DCC: variants seen among roughly 807,000 people sequenced by gnomAD.
DCC encodes the protein DCC netrin 1 receptor.
A neutral mutation model predicts 172.5 loss-of-function variants in DCC; 58 were observed. That is an observed-to-expected ratio of 0.34 (90% CI 0.27 to 0.42). The LOEUF (loss-of-function observed/expected upper bound fraction) is 0.42, where lower values mean the gene tolerates loss of function less well. Among genes scored for constraint, DCC ranks in the 10% least tolerant of loss-of-function variants. The pLI is 1.00. For missense variants in DCC, 1,740 were observed against 1,791.0 expected (o/e 0.97, Z 0.51); for synonymous variants, 709 against 644.5 (o/e 1.10, Z -1.52).
At chr18:52,567,986 T>C (rs542980695) in intron 1 of DCC, among the ~76,000 whole-genome samples, 1 of 152,246 alleles carries the variant, frequency 6.6e-6, no homozygotes, top group South Asian at 2.1e-4. Context: ...CTGACTAAAG[T>C]CTGTAGTTTA....
chr18:53,435,867 A>G (rs1911909130), intron 22 of DCC, among the ~76,000 whole-genome samples: 1 of 152,176 alleles, frequency 6.6e-6, no homozygotes, highest in Non-Finnish European at 1.5e-5. Context: ...TGCTGAAACA[A>G]ACTTTAAAAG....
chr18:53,406,447 G>A (rs1909655967), intron 19 of DCC, among the ~76,000 whole-genome samples: 1 of 151,362 alleles, frequency 6.6e-6, no homozygotes, highest in Non-Finnish European at 1.5e-5. Context: ...GCTCACGCCT[G>A]TAGTCCCAGC....
chr18:53,242,898 G>A lies in DCC; in HGVS notation c.1911+27301G>A, dbSNP rs2056319417. On this transcript the variant is annotated intron_variant, in intron 12 of 28. Coordinates refer to ENST00000442544, the MANE Select transcript of DCC (RefSeq NM_005215.4). The stretch of plus-strand genomic sequence containing the variant: ...TGTGTGTGTGTGTGTGTGTGTGTGT[G>A]TGTGTTTGTGCATCTGGCCAGTGAA... Among the ~76,000 whole-genome samples the A allele has an allele frequency of 3.3e-5, 5 of 150,334 alleles. 1 individual carries two copies. Among genetic ancestry groups the A allele is most frequent in the Admixed American group, 3.3e-4 (5 of 15,182 alleles).
At chr18:52,671,721 G>A (rs1241411264) in intron 1 of DCC, among the ~76,000 whole-genome samples, 1 of 151,624 alleles carries the variant, frequency 6.6e-6, no homozygotes, top group Non-Finnish European at 1.5e-5. Context: ...TGTATTTTTA[G>A]TAGAGAGAGG....
chr18:52,923,880 T>C (rs2040161478), intron 4 of DCC, 23 bp downstream of exon 4: 2 of 1,587,052 alleles, frequency 1.3e-6, no homozygotes, highest in Non-Finnish European at 1.7e-6. Context: ...TAAGACTTTT[T>C]TGTAAAGTGT....
intron 4 of DCC, 49 bp from the exon 5 acceptor site, chr18:52,925,185 T>G: frequency 1.9e-6 from 3 of 1,577,254 alleles, no homozygotes; most frequent in Non-Finnish European, 2.6e-6. Flanking sequence ...GTATCTTGCT[T>G]AATATATACA....
At chr18:53,429,028 ATAATATATATTTTATATATAATATAT>A in intron 21 of DCC, among the ~76,000 whole-genome samples, 1 of 59,990 alleles carries the variant, frequency 1.7e-5, no homozygotes, top group Non-Finnish European at 3.5e-5. Flanking sequence ...TATTTTTTAT[ATAATATATATTTTATATATAATATAT>A]TATATATTTT....
chr18:52,628,746 A>G (rs1255159777), intron 1 of DCC, among the ~76,000 whole-genome samples: 1 of 152,250 alleles, frequency 6.6e-6, no homozygotes, highest in East Asian at 1.9e-4. Context: ...ACCCTAGTGT[A>G]TAATGGACTC....
intron 1 of DCC, among the ~76,000 whole-genome samples, chr18:52,558,933 G>A (rs1043560578): frequency 5.9e-5 from 9 of 152,156 alleles, no homozygotes; most frequent in African/African-American, 1.9e-4. Flanking sequence ...GGAAACCGAG[G>A]TTGGGACGGG....
At position 53,435,159 on chromosome 18, in the gene DCC, G is replaced by A. The variant is rs1360683492; in HGVS notation, c.3179G>A (p.Gly1060Glu). 7 of 1,611,426 alleles carry A rather than the reference G, an allele frequency of 4.3e-6. No homozygotes were observed. Among genetic ancestry groups the A allele is most frequent in the Non-Finnish European group, 5.9e-6 (7 of 1,177,722 alleles). The change falls in exon 22 of 29, where the codon GGA becomes GAA. Residue 1060 changes from glycine (G) to glutamate (E), a missense_variant. Physicochemically the swap from Gly to Glu is moderately conservative, Grantham distance 98. This residue lies in a region of DCC where 1,732 missense variants were observed against 1,767.4 expected (regional missense o/e 0.98). Transcript: ENST00000442544. Reference protein sequence around the residue: ...MANDQGRHGDGGYWPVDTNLI... With the variant: ...MANDQGRHGDEGYWPVDTNLI... ...CAATGAACAGGTCGTCATGGAGATG[G>A]AGGTTATTGGCCAGTTGATACTAAT...
intron 1 of DCC, among the ~76,000 whole-genome samples, chr18:52,522,919 C>T (rs959633478): frequency 2.6e-5 from 4 of 152,256 alleles, no homozygotes; most frequent in Admixed American, 6.5e-5. Context: ...AATTCTAGCA[C>T]CACAGTTTGA....
intron 8 of DCC, among the ~76,000 whole-genome samples, chr18:53,175,718 G>C (rs1598876632): frequency 1.3e-5 from 2 of 152,158 alleles, no homozygotes; most frequent in Admixed American, 1.3e-4. Flanking sequence ...CTCATGGGTA[G>C]GAGGAATCAA....
chr18:52,789,146 G>A (rs190882602), intron 2 of DCC, among the ~76,000 whole-genome samples: 23 of 152,202 alleles, frequency 1.5e-4, no homozygotes, highest in African/African-American at 5.3e-4. Context: ...AGGTAATTTG[G>A]TACCTCTAAA....
intron 5 of DCC, among the ~76,000 whole-genome samples, chr18:52,999,875 TTAAGA>T (rs759348634): frequency 2.0e-5 from 3 of 152,050 alleles, no homozygotes; most frequent in African/African-American, 7.2e-5. Context: ...ATTTTATTAG[TTAAGA>T]TAAGGTAATA....
intron 1 of DCC, among the ~76,000 whole-genome samples, chr18:52,387,593 TC>T (rs1199093209): frequency 6.8e-6 from 1 of 146,738 alleles, no homozygotes; most frequent in African/African-American, 2.6e-5. Flanking sequence ...CTTCCTTCCT[TC>T]CTTCCTTCCT....
intron 7 of DCC, among the ~76,000 whole-genome samples, chr18:53,137,153 C>A (rs2043756019): frequency 6.6e-6 from 1 of 152,184 alleles, no homozygotes; most frequent in African/African-American, 2.4e-5. Context: ...ACATAACACA[C>A]ATTTATTATT....
chr18:52,638,836 T>G (rs2034834976), intron 1 of DCC, among the ~76,000 whole-genome samples: 2 of 152,146 alleles, frequency 1.3e-5, no homozygotes, highest in Admixed American at 1.3e-4. Flanking sequence ...GGATTTAAAC[T>G]ATACCTTGGA....
intron 2 of DCC, among the ~76,000 whole-genome samples, chr18:52,890,787 A>C (rs1418768379): frequency 6.6e-6 from 1 of 152,118 alleles, no homozygotes; most frequent in Admixed American, 6.6e-5. Flanking sequence ...ATATCATCTC[A>C]AATCCCCAAA....
intron 5 of DCC, among the ~76,000 whole-genome samples, chr18:52,944,718 G>A (rs2040514473): frequency 6.6e-6 from 1 of 152,120 alleles, no homozygotes; most frequent in African/African-American, 2.4e-5. Flanking sequence ...AAACTATACA[G>A]GAAGAGAATC....
Sources: gnomAD v4.1 joint callset for allele counts (sites outside exome capture counted in the v4.1 genomes callset) on GRCh38, gnomAD v4.1.1 for gene constraint, gnomAD v4.1.1 regional missense constraint, MANE v1.5 for transcripts, NCBI Gene and HGNC (gene_info 2026-07-23, HGNC 2026-07-21) for gene names.